The following ESR1 variants were observed in gnomAD, a reference collection of about 807,000 sequenced individuals.
ESR1 encodes the protein estrogen receptor.
ESR1 carries 12 observed loss-of-function variants against 52.7 expected under a neutral mutation model. The observed-to-expected ratio is 0.23, with a 90% CI of 0.15 to 0.37. ESR1 has a LOEUF of 0.37. Ranked by LOEUF, ESR1 falls within the 10% of genes least tolerant of loss-of-function variation. The pLI, the probability that ESR1 is intolerant of heterozygous loss-of-function variation, is 1.00. For synonymous variants in ESR1, 305 were observed against 316.8 expected (o/e 0.96, Z 0.39); for missense variants, 584 against 779.7 (o/e 0.75, Z 2.99).
chr6:152,103,595 GACTA>G (rs2051021759), downstream of ESR1, among the ~76,000 whole-genome samples: 1 of 152,234 alleles, frequency 6.6e-6, no homozygotes, highest in South Asian at 2.1e-4. Flanking sequence ...TGGTGGTGAG[GACTA>G]ACTGAGGTGC....
chr6:151,802,695 A>G (rs1456782430), upstream of ESR1, among the ~76,000 whole-genome samples: 1 of 152,194 alleles, frequency 6.6e-6, no homozygotes, highest in Non-Finnish European at 1.5e-5. Context: ...TCTAGCAAAA[A>G]CAGTTTTGAA....
chr6:151,842,219 GT>G (rs1177839134), intron 1 of ESR1, among the ~76,000 whole-genome samples: 1 of 152,094 alleles, frequency 6.6e-6, no homozygotes, highest in Non-Finnish European at 1.5e-5. Context: ...CTTTGTCTCT[GT>G]TTCCCAGAGA....
chr6:152,062,573 T>C (rs999056293), intron 6 of ESR1, among the ~76,000 whole-genome samples: 1 of 152,194 alleles, frequency 6.6e-6, no homozygotes, highest in Non-Finnish European at 1.5e-5. Flanking sequence ...TTTCAGTCGT[T>C]TGTCCTGTAC....
chr6:151,904,238 A>T (rs894804795), intron 3 of ESR1, among the ~76,000 whole-genome samples: 2 of 152,216 alleles, frequency 1.3e-5, no homozygotes, highest in Non-Finnish European at 2.9e-5. Context: ...ATAACAAATA[A>T]ATAAAACTGT....
At chr6:151,835,578 T>C (rs1783192210) in intron 1 of ESR1, among the ~76,000 whole-genome samples, 1 of 152,234 alleles carries the variant, frequency 6.6e-6, no homozygotes, top group South Asian at 2.1e-4. Context: ...TGAACTGTAA[T>C]ACTTAAGATA....
At chr6:151,810,814 A>G (rs989576163) in intron 1 of ESR1, among the ~76,000 whole-genome samples, 3 of 152,236 alleles carry the variant, frequency 2.0e-5, no homozygotes, top group African/African-American at 7.2e-5. Context: ...TCAAAGAAAA[A>G]ATTAGAAAGC....
chr6:151,736,375 G>GTTCTTTTTTTTTTTTTTTTTTTTTTTTTT lies in ESR1; in HGVS notation c.-71+34372_-71+34373insCTTTTTTTTTTTTTTTTTTTTTTTTTTTT, dbSNP rs748276035. ...AAATACTTACTGTATTCCAGGTAGT[G>GTTCTTTTTTTTTTTTTTTTTTTTTTTTTT]TTTTTTTTTTTTTTTGAGATGGAGT... On this transcript the variant is annotated intron_variant, in intron 2 of 2. Transcript: ENST00000404742. 5.3e-5 allele frequency among the ~76,000 whole-genome samples: 6 copies of GTTCTTTTTTTTTTTTTTTTTTTTTTTTTT among 112,742 alleles called. 2 individuals are homozygous for GTTCTTTTTTTTTTTTTTTTTTTTTTTTTT. Among genetic ancestry groups the GTTCTTTTTTTTTTTTTTTTTTTTTTTTTT allele is most frequent in the African/African-American group, 1.9e-4 (5 of 26,146 alleles). The allele number at this position is 112,742 out of a possible 152,430, so 74.0% of individuals were successfully genotyped here.
chr6:151,956,834 A>G (rs1302561995), intron 4 of ESR1, among the ~76,000 whole-genome samples: 1 of 19,450 alleles, frequency 5.1e-5, no homozygotes, highest in Non-Finnish European at 1.0e-4. Context: ...ATATATATAA[A>G]TATAAATAAA....
Position 151,855,777 on chromosome 6 carries a change from T to A in ESR1, c.643+12990T>A, listed in dbSNP as rs1583704662. 3.3e-5 allele frequency among the ~76,000 whole-genome samples: 5 copies of A among 152,250 alleles called. No individual in the cohort carries two copies. In the South Asian group the frequency reaches 1.0e-3, roughly 32 times the overall value. On this transcript the variant is annotated intron_variant, in intron 2 of 7. Coordinates refer to ENST00000206249, the MANE Select transcript of ESR1 (RefSeq NM_000125.4). ...TATTTCAGAAAAAAATGGTATGAGT[T>A]CAGAGGCAAGAGAAAACAGAATGCT...
chr6:151,801,462 T>C (rs1328062444), upstream of ESR1, among the ~76,000 whole-genome samples: 1 of 152,212 alleles, frequency 6.6e-6, no homozygotes, highest in Non-Finnish European at 1.5e-5. Flanking sequence ...AGAACAGTCA[T>C]GCTGCCTGAC....
chr6:151,842,566 G>T lies in ESR1; in HGVS notation c.453-31G>T, dbSNP rs573533999. ...AGAGTGCATGTTTTGCTTTTCTAAT[G>T]TTAATGGATTTACTGTTTTTTTCCC... On this transcript the variant is annotated intron_variant, in intron 1 of 7. Transcript: ENST00000206249. 1.9e-4 allele frequency: 305 copies of T among 1,601,906 alleles called. 3 individuals carry two copies. In the South Asian group the frequency reaches 3.2e-3, roughly 17 times the overall value.
intron 1 of ESR1, among the ~76,000 whole-genome samples, chr6:151,663,823 G>T (rs548141529): frequency 5.5e-4 from 84 of 152,310 alleles, no homozygotes; most frequent in African/African-American, 1.4e-3. Flanking sequence ...AGCACCTGTT[G>T]TTCCTGAGAG....
chr6:151,806,536 A>ATC (rs1777887701), upstream of ESR1, among the ~76,000 whole-genome samples: 1 of 135,638 alleles, frequency 7.4e-6, no homozygotes, highest in Non-Finnish European at 1.6e-5. Flanking sequence ...ATATGTATAT[A>ATC]TATATATATA....
intron 2 of ESR1, among the ~76,000 whole-genome samples, chr6:151,847,837 A>G (rs1347274241): frequency 6.7e-6 from 1 of 149,598 alleles, no homozygotes; most frequent in African/African-American, 2.5e-5. Context: ...CTGAATGGTA[A>G]TTCCTAGGTT....
chr6:152,060,842 A>C, intron 5 of ESR1, 149 bp from the exon 6 acceptor site: 1 of 650,774 alleles, frequency 1.5e-6, no homozygotes, highest in Non-Finnish European at 2.6e-6. Flanking sequence ...ATGAATGTTC[A>C]TATTCCATGA....
intron 4 of ESR1, among the ~76,000 whole-genome samples, chr6:151,979,745 A>G (rs2039813210): frequency 6.6e-6 from 1 of 152,116 alleles, no homozygotes; most frequent in Non-Finnish European, 1.5e-5. Context: ...AATGTTTGCA[A>G]TGTTGCTTTT....
intron 7 of ESR1, among the ~76,000 whole-genome samples, chr6:152,097,980 G>T (rs901964921): frequency 6.6e-6 from 1 of 152,204 alleles, no homozygotes; most frequent in Non-Finnish European, 1.5e-5. Context: ...GCCTGCAGAG[G>T]CTTGAGGCTG....
At chr6:152,126,879 C>G (rs936239564) in exon 7 of ESR1, 2 of 152,184 alleles carry the variant, frequency 1.3e-5, no homozygotes, top group African/African-American at 4.8e-5. Flanking sequence ...GAGTTAATTT[C>G]GTGCATGCAT....
intron 2 of ESR1, among the ~76,000 whole-genome samples, chr6:151,757,092 C>G (rs1475450281): frequency 6.6e-6 from 1 of 152,050 alleles, no homozygotes; most frequent in Non-Finnish European, 1.5e-5. Context: ...TGTGAGGGTA[C>G]AGAGAGAGTT....
Sources: allele counts gnomAD v4.1 joint callset (sites outside exome capture counted in the v4.1 genomes callset), GRCh38; gene constraint gnomAD v4.1.1; transcripts MANE v1.5; gene names NCBI Gene and HGNC (gene_info 2026-07-23, HGNC 2026-07-21).